Variants in CUL3 observed in about 807,000 individuals in gnomAD.
CUL3 encodes the protein cullin-3.
In CUL3, 19 loss-of-function variants were observed where a neutral mutation model predicts 89.1. The ratio of observed to expected loss-of-function variants is 0.21; its 90% confidence interval spans 0.15 to 0.31. CUL3 has a LOEUF of 0.31. Ranked by LOEUF, CUL3 falls within the 10% of genes least tolerant of loss-of-function variation. The pLI, the probability that CUL3 is intolerant of heterozygous loss-of-function variation, is 1.00. For missense variants in CUL3, 469 were observed against 942.3 expected (o/e 0.50, Z 6.58); for synonymous variants, 351 against 308.4 (o/e 1.14, Z -1.45).
chr2:224,579,838 C>A lies in CUL3; in HGVS notation c.66+5106G>T, dbSNP rs62187049. 8.7e-3 allele frequency among the ~76,000 whole-genome samples: 1,326 copies of A among 152,326 alleles called. 12 individuals carry two copies. The highest frequency in any genetic ancestry group is 0.014 in the Middle Eastern group (4 of 294). On this transcript the variant is annotated intron_variant, in intron 1 of 15. Coordinates refer to ENST00000264414, the MANE Select transcript of CUL3 (RefSeq NM_003590.5). Reference sequence around the variant, plus strand: ...ACTCTGAAGGCTAGGCCAAGAAAGGCTTTATTACCGTTTGATACAGGAAAG... The same window carrying A: ...ACTCTGAAGGCTAGGCCAAGAAAGGATTTATTACCGTTTGATACAGGAAAG...
chr2:224,516,189 A>C (rs568614550), intron 3 of CUL3, among the ~76,000 whole-genome samples: 2 of 152,260 alleles, frequency 1.3e-5, no homozygotes, highest in African/African-American at 4.8e-5. Flanking sequence ...CATTTTTGAA[A>C]TCTTAACATC....
chr2:224,584,353 G>A (rs180968030), intron 1 of CUL3, among the ~76,000 whole-genome samples: 31 of 152,284 alleles, frequency 2.0e-4, no homozygotes, highest in Non-Finnish European at 4.3e-4. Flanking sequence ...TAGGAAGCTT[G>A]TAGGATGAAA....
Position 224,559,055 on chromosome 2 carries a change from C to CAA in CUL3, c.67-1201_67-1200dup, listed in dbSNP as rs34682538. 9.9e-5 allele frequency among the ~76,000 whole-genome samples: 14 copies of CAA among 140,956 alleles called. 1 individual carries two copies. The highest frequency in any genetic ancestry group is 1.4e-4 in the Admixed American group (2 of 14,116). The allele number at this position is 140,956 out of a possible 152,430, so 92.5% of individuals were successfully genotyped here. A position where few individuals can be genotyped will look rare whatever the true frequency, so the allele number is the denominator to read the frequency against. Reference sequence around the variant, plus strand: ...TGGGCAACAGAGCAAGACTCTGTCTCAAAAAAAAAAAGAAAGAAAACTCCT... The same window carrying CAA: ...TGGGCAACAGAGCAAGACTCTGTCTCAAAAAAAAAAAAAGAAAGAAAACTCCT... On this transcript the variant is annotated intron_variant, in intron 1 of 15. Transcript: ENST00000264414.
At chr2:224,569,551 A>T (rs1695130820) in intron 1 of CUL3, 3 of 266,638 alleles carry the variant, frequency 1.1e-5, no homozygotes, top group Admixed American at 6.5e-5. Flanking sequence ...GAAAAGTATC[A>T]ATAACAAAAA....
intron 2 of CUL3, among the ~76,000 whole-genome samples, chr2:224,547,703 T>TAACTC (rs944212694): frequency 6.6e-6 from 1 of 152,148 alleles, no homozygotes; most frequent in African/African-American, 2.4e-5. Flanking sequence ...TCAATATTCT[T>TAACTC]AACTCACTGC....
intron 2 of CUL3, among the ~76,000 whole-genome samples, chr2:224,555,793 T>A (rs1694676249): frequency 6.6e-6 from 1 of 152,164 alleles, no homozygotes; most frequent in Non-Finnish European, 1.5e-5. Context: ...TTCTTTCCCA[T>A]AAAATCTTAC....
intron 1 of CUL3, among the ~76,000 whole-genome samples, chr2:224,578,422 GA>G (rs1695359866): frequency 6.6e-6 from 1 of 152,072 alleles, no homozygotes; most frequent in Non-Finnish European, 1.5e-5. Context: ...AAAAACACAT[GA>G]AAATGTTAAT....
At chr2:224,560,899 T>A (rs1211817986) in intron 1 of CUL3, among the ~76,000 whole-genome samples, 2 of 152,276 alleles carry the variant, frequency 1.3e-5, no homozygotes. Context: ...TTTTTCCTTT[T>A]GTTCGCTCTG....
rs149255977 is a variant in CUL3 at position 224,538,665 on chromosome 2, G to A, written c.265-3024C>T. Among the ~76,000 whole-genome samples, 1,331 of 152,266 alleles carry A rather than the reference G, an allele frequency of 8.7e-3. 10 individuals are homozygous for A. The highest frequency in any genetic ancestry group is 0.014 in the Non-Finnish European group (937 of 68,004). On this transcript the variant is annotated intron_variant, in intron 2 of 15. Coordinates refer to ENST00000264414, the MANE Select transcript of CUL3 (RefSeq NM_003590.5). ...CTAAAATTACACAGATAAAGAGTTG[G>A]AATTTGAGGGGAGAGACATGGAAGA...
At chr2:224,563,086 A>C in intron 1 of CUL3, 1 of 375,924 alleles carries the variant, frequency 2.7e-6, no homozygotes, top group South Asian at 2.1e-5. Flanking sequence ...GCTCATCGAC[A>C]GTCATCAAAT....
chr2:224,527,823 A>G (rs896929639), intron 3 of CUL3, among the ~76,000 whole-genome samples: 4 of 152,196 alleles, frequency 2.6e-5, no homozygotes, highest in African/African-American at 7.2e-5. Context: ...TTCCTTTAAC[A>G]GCACAGACCC....
intron 1 of CUL3, among the ~76,000 whole-genome samples, chr2:224,559,218 G>A (rs1694826461): frequency 6.6e-6 from 1 of 152,000 alleles, no homozygotes; most frequent in African/African-American, 2.4e-5. Context: ...GGGAGACTGA[G>A]GCAGAAGGAT....
intron 13 of CUL3, among the ~76,000 whole-genome samples, chr2:224,488,970 A>G (rs555960134): frequency 6.6e-6 from 1 of 152,362 alleles, no homozygotes; most frequent in South Asian, 2.1e-4. Flanking sequence ...ATGCAAATCA[A>G]TAAACGTAAT....
chr2:224,568,169 TCAAG>T (rs1695091372), intron 1 of CUL3, among the ~76,000 whole-genome samples: 1 of 152,218 alleles, frequency 6.6e-6, no homozygotes, highest in Admixed American at 6.5e-5. Context: ...ACTGAACTCC[TCAAG>T]CAAAGTTAAC....
chr2:224,580,724 T>C (rs1695416318), intron 1 of CUL3, among the ~76,000 whole-genome samples: 2 of 152,002 alleles, frequency 1.3e-5, no homozygotes, highest in Non-Finnish European at 2.9e-5. Flanking sequence ...CTAAAAAGAA[T>C]CTGATATTAC....
Position 224,585,063 on chromosome 2 carries a change from G to A in CUL3, c.-54C>T, listed in dbSNP as rs1559253093. The A allele has an allele frequency of 1.4e-6, 2 of 1,412,774 alleles. No homozygotes were observed. Among genetic ancestry groups the A allele is most frequent in the Non-Finnish European group, 1.9e-6 (2 of 1,054,810 alleles). The allele number at this position is 1,412,774 out of a possible 1,614,324, so 87.5% of individuals were successfully genotyped here. A position where few individuals can be genotyped will look rare whatever the true frequency, so the allele number is the denominator to read the frequency against. On this transcript the variant is annotated 5_prime_UTR_variant, in exon 1 of 16. Coordinates refer to ENST00000264414, the MANE Select transcript of CUL3 (RefSeq NM_003590.5). ...TCAGGTCGCGCTCCGCGACGCCGGT[G>A]TCACATTTAAGGCGGGCAGGCAGGC...
At chr2:224,522,255 A>T (rs1693294040) in intron 3 of CUL3, among the ~76,000 whole-genome samples, 2 of 152,282 alleles carry the variant, frequency 1.3e-5, no homozygotes, top group African/African-American at 4.8e-5. Flanking sequence ...TGAAGACAGA[A>T]ATAGAAAAAT....
chr2:224,483,401 A>G (rs569542098), intron 13 of CUL3, among the ~76,000 whole-genome samples: 30 of 152,290 alleles, frequency 2.0e-4, no homozygotes, highest in African/African-American at 7.0e-4. Flanking sequence ...AAATGCCCCT[A>G]AAGTCATAAG....
chr2:224,502,876 A>C, intron 10 of CUL3, 89 bp downstream of exon 10: 1 of 874,826 alleles, frequency 1.1e-6, no homozygotes, highest in Non-Finnish European at 1.8e-6. Flanking sequence ...ATTTAAAGAA[A>C]CAACTGTCAT....
Sources: gnomAD v4.1 joint callset for allele counts (sites outside exome capture counted in the v4.1 genomes callset) on GRCh38, gnomAD v4.1.1 for gene constraint, MANE v1.5 for transcripts, NCBI Gene and HGNC (gene_info 2026-07-23, HGNC 2026-07-21) for gene names.